The following STX3 variants were observed in gnomAD, a reference collection of about 807,000 sequenced individuals.
STX3 encodes the protein syntaxin-3.
STX3 carries 19 observed loss-of-function variants against 40.2 expected under a neutral mutation model. The observed-to-expected ratio is 0.47, with a 90% CI of 0.33 to 0.69. STX3 has a LOEUF of 0.69. Ranked by LOEUF, STX3 falls within the 30% of genes least tolerant of loss-of-function variation. The pLI is 0.02. For missense variants in STX3, 364 were observed against 366.7 expected (o/e 0.99, Z 0.06); for synonymous variants, 122 against 132.2 (o/e 0.92, Z 0.53).
intron 2 of STX3, 47 bp downstream of exon 2, chr11:59,773,341 C>G (rs959470506): frequency 5.7e-6 from 9 of 1,566,180 alleles, no homozygotes; most frequent in African/African-American, 1.4e-5. Context: ...TAAGGAAACA[C>G]TATTTCCTTA....
chr11:59,802,470 A>C lies in STX3; in HGVS notation c.*1646A>C. 1 of 985,846 alleles carries C rather than the reference A, an allele frequency of 1.0e-6. No homozygotes were observed. Among genetic ancestry groups the C allele is most frequent in the Non-Finnish European group, 1.2e-6 (1 of 829,940 alleles). The allele number at this position is 985,846 out of a possible 1,614,324, so 61.1% of individuals were successfully genotyped here. On this transcript the variant is annotated 3_prime_UTR_variant, in exon 11 of 11. Transcript: ENST00000337979. The stretch of plus-strand genomic sequence containing the variant: ...TGGCCGGTCACAATCCAGCACTCAG[A>C]CAGAGCCAAGGCAATATCCTCTTGC...
chr11:59,781,099 T>TA (rs1864342894), intron 2 of STX3, among the ~76,000 whole-genome samples: 1 of 147,282 alleles, frequency 6.8e-6, no homozygotes, highest in African/African-American at 2.6e-5. Context: ...TTTTTTTTTT[T>TA]TTATATTAGC....
chr11:59,796,554 C>T (rs1865528273), intron 9 of STX3, among the ~76,000 whole-genome samples: 1 of 152,126 alleles, frequency 6.6e-6, no homozygotes, highest in Non-Finnish European at 1.5e-5. Flanking sequence ...GATATCCAGG[C>T]AGTGTACTGG....
intron 4 of STX3, chr11:59,789,234 A>G: frequency 3.8e-6 from 1 of 263,420 alleles, no homozygotes; most frequent in Non-Finnish European, 7.3e-6. Context: ...CCTTTAACTT[A>G]GTCTTTCAAC....
intron 2 of STX3, among the ~76,000 whole-genome samples, chr11:59,775,611 T>C (rs535508004): frequency 1.3e-4 from 20 of 152,296 alleles, no homozygotes; most frequent in African/African-American, 4.6e-4. Flanking sequence ...CTTGGTCAGG[T>C]TGCTTAACAT....
chr11:59,788,946 G>A lies in STX3; in HGVS notation c.288G>A (p.Lys96=). 6.2e-7 allele frequency: 1 copy of A among 1,607,734 alleles called. No homozygotes were observed. The highest frequency in any genetic ancestry group is 8.5e-7 in the Non-Finnish European group (1 of 1,176,708). ...KRANNVRNKL[K]SMEKHIEEDE... is the part of the protein sequence containing the mutation. The stretch of plus-strand genomic sequence containing the variant: ...CCAACAACGTCCGGAACAAACTGAA[G>A]AGTAAGAAGGGAACAAAGAAAACAA... Residue 96 remains lysine, a splice_region_variant and synonymous_variant, in exon 4 of 11, where the codon AAG becomes AAA. Coordinates refer to ENST00000337979, the MANE Select transcript of STX3 (RefSeq NM_004177.5).
At chr11:59,789,765 A>G (rs995379529) in intron 4 of STX3, among the ~76,000 whole-genome samples, 3 of 151,982 alleles carry the variant, frequency 2.0e-5, no homozygotes, top group African/African-American at 7.2e-5. Flanking sequence ...TTGAATAGTC[A>G]TTTTAGAGAT....
intron 1 of STX3, among the ~76,000 whole-genome samples, chr11:59,756,082 G>C (rs982962320): frequency 6.6e-6 from 1 of 152,122 alleles, no homozygotes; most frequent in African/African-American, 2.4e-5. Flanking sequence ...GTGACCTCTG[G>C]AGCTGTGAGC....
intron 2 of STX3, among the ~76,000 whole-genome samples, chr11:59,775,480 T>A (rs1032995711): frequency 3.9e-5 from 6 of 152,244 alleles, no homozygotes; most frequent in African/African-American, 1.2e-4. Context: ...GTTCTCCTTT[T>A]TCTTCTGAGC....
chr11:59,792,274 C>A, intron 6 of STX3, 59 bp downstream of exon 6: 1 of 1,505,116 alleles, frequency 6.6e-7, no homozygotes, highest in South Asian at 1.2e-5. Context: ...GTTGTCCATC[C>A]CAAGTTTTGA....
At chr11:59,773,012 C>CAA (rs1554996791) in intron 1 of STX3, among the ~76,000 whole-genome samples, 199 bp from the exon 2 acceptor site, 7 of 151,014 alleles carry the variant, frequency 4.6e-5, no homozygotes, top group South Asian at 2.1e-4. Context: ...CACACACACA[C>CAA]AACCCAGCAA....
At chr11:59,795,067 G>A (rs1205729983) in intron 8 of STX3, among the ~76,000 whole-genome samples, 1 of 152,186 alleles carries the variant, frequency 6.6e-6, no homozygotes, top group Non-Finnish European at 1.5e-5. Context: ...AAATAACAAA[G>A]GTTGTCTGGG....
chr11:59,791,721 G>A lies in STX3; in HGVS notation c.358-386G>A, dbSNP rs554137592. ...GAAGAGTTGGGGAGATGAGTTTAGC[G>A]TAAGAACTCAAGGATCTTTGGTAAG... On this transcript the variant is annotated intron_variant, in intron 5 of 10. Transcript: ENST00000337979. 1.4e-4 allele frequency among the ~76,000 whole-genome samples: 22 copies of A among 152,286 alleles called. No individual in the cohort carries two copies. The South Asian group carries it at 3.5e-3, about 24-fold the overall frequency.
intron 2 of STX3, chr11:59,781,353 T>C (rs1565177602): frequency 1.1e-5 from 17 of 1,591,106 alleles, no homozygotes; most frequent in Non-Finnish European, 1.5e-5. Context: ...GGTGACATTG[T>C]TCATGACACA....
chr11:59,787,238 A>G (rs768093203), intron 3 of STX3, 102 bp downstream of exon 3: 5 of 940,370 alleles, frequency 5.3e-6, no homozygotes, highest in Non-Finnish European at 8.3e-6. Context: ...GAAGTGTACA[A>G]GTTACAGGGC....
chr11:59,772,241 T>C (rs986287214), intron 1 of STX3, among the ~76,000 whole-genome samples: 1 of 152,220 alleles, frequency 6.6e-6, no homozygotes, highest in Non-Finnish European at 1.5e-5. Flanking sequence ...CAACAGTCAG[T>C]TCTCTGTGCT....
intron 4 of STX3, among the ~76,000 whole-genome samples, chr11:59,789,752 C>T (rs1315545933): frequency 2.0e-5 from 3 of 152,112 alleles, no homozygotes; most frequent in African/African-American, 7.2e-5. Flanking sequence ...CACCTACATA[C>T]ATTTGAATAG....
Position 59,793,408 on chromosome 11 carries a change from C to T in STX3, c.569C>T (p.Ala190Val), listed in dbSNP as rs1355879716. 4 of 1,614,018 alleles carry T rather than the reference C, an allele frequency of 2.5e-6. No homozygotes were observed. The South Asian group carries it at 3.3e-5, about 13-fold the overall frequency. Residue 190 changes from alanine (A) to valine (V), a missense_variant, in exon 8 of 11, where the codon GCC becomes GTC. Ala to Val is a moderately conservative substitution (Grantham distance 64, BLOSUM62 0). Coordinates refer to ENST00000337979, the MANE Select transcript of STX3 (RefSeq NM_004177.5). Reference protein sequence around the residue: ...GIIDSQISKQALSEIEGRHKD... With the variant: ...GIIDSQISKQVLSEIEGRHKD... ...ATTGACTCACAGATTTCCAAGCAAG[C>T]CCTCAGTGAGATTGAGGGACGACAC... is the stretch of plus-strand genomic sequence containing the variant.
At chr11:59,796,096 C>T (rs1865504396) in intron 9 of STX3, among the ~76,000 whole-genome samples, 1 of 152,218 alleles carries the variant, frequency 6.6e-6, no homozygotes, top group Non-Finnish European at 1.5e-5. Context: ...CCTCCCTTCT[C>T]TTTTTCTCTA....
Sources: allele counts gnomAD v4.1 joint callset (sites outside exome capture counted in the v4.1 genomes callset), GRCh38; gene constraint gnomAD v4.1.1; transcripts MANE v1.5; gene names NCBI Gene and HGNC (gene_info 2026-07-23, HGNC 2026-07-21).